The following CBARP variants were observed in gnomAD, a reference collection of about 807,000 sequenced individuals.
CBARP encodes CACN subunit beta associated regulatory protein.
In CBARP, 24 loss-of-function variants were observed where a neutral mutation model predicts 36.3. The observed-to-expected ratio is 0.66, with a 90% CI of 0.48 to 0.93. The LOEUF is 0.93. Ranked by LOEUF, CBARP falls within the 40% of genes least tolerant of loss-of-function variation. CBARP has a pLI of 0.00. For missense variants in CBARP, 1,146 were observed against 980.4 expected (o/e 1.17, Z -2.26); for synonymous variants, 586 against 453.2 (o/e 1.29, Z -3.72).
At position 1,234,677 on chromosome 19, in the gene CBARP, G is replaced by A. The variant is rs114805137; in HGVS notation, c.521C>T (p.Pro174Leu). ...KNARLTHLHL[P>L]PLKIVTIHEC... The stretch of plus-strand genomic sequence containing the variant: ...GTGGATGGTGACAATCTTGAGGGGC[G>A]GCAGGTGCAGGTGCGTGAGCCGGGC... Residue 174 changes from proline to leucine, a missense_variant, in exon 6 of 10, where the codon CCG (proline) becomes CTG (leucine). Coordinates refer to ENST00000650044, the MANE Select transcript of CBARP (RefSeq NM_001393918.1). 83 of 1,612,802 alleles carry A rather than the reference G, an allele frequency of 5.1e-5. No homozygotes were observed. The East Asian group carries it at 1.0e-3, about 20-fold the overall frequency.
In CBARP at chr19:1,229,880, A is replaced by C; in HGVS notation, c.1417T>G (p.Ser473Ala). 9.8e-7 allele frequency: 1 copy of C among 1,016,196 alleles called. No homozygotes were observed. Among genetic ancestry groups the C allele is most frequent in the Non-Finnish European group, 1.2e-6 (1 of 845,544 alleles). 62.9% of individuals were successfully genotyped at this position (1,016,196 alleles called of 1,614,324 possible). The change falls in exon 10 of 10, where the codon TCC (serine) becomes GCC (alanine). Residue 473 changes from serine (S) to alanine (A), a missense_variant. Ser to Ala is a moderately conservative substitution (Grantham distance 99, BLOSUM62 1). Transcript: ENST00000650044. This position sits in a 1 kb window ranked among gnomAD's most constrained non-coding sequence, Gnocchi z 5.1. ...VRSGDSSGSG[S>A]GGAAPAFPPP... ...GGGAAGGCGGGCGCCGCGCCCCCGG[A>C]GCCTGAGCCCGAGCTGTCGCCGCTG...
In CBARP at chr19:1,229,241, C is replaced by T; in HGVS notation, c.2056G>A (p.Val686Ile). ...GCGACCAACGCGGGAGTCGCCACGA[C>T]GGGCTCGGCGAGGCGCGGCGGAAAG... Reference protein sequence around the residue: ...RLFPPRLAEPVVATPALVAAA... With the variant: ...RLFPPRLAEPIVATPALVAAA... The change falls in exon 10 of 10, where the codon GTC becomes ATC. Residue 686 changes from valine to isoleucine, a missense_variant. Transcript: ENST00000650044. The surrounding 1 kb of genome is among the most constrained non-coding windows in gnomAD (Gnocchi z 5.1). 2 of 1,237,628 alleles carry T rather than the reference C, an allele frequency of 1.6e-6. No individual in the cohort carries two copies. Among genetic ancestry groups the T allele is most frequent in the South Asian group, 1.3e-5 (1 of 75,908 alleles). The allele number at this position is 1,237,628 out of a possible 1,614,324, so 76.7% of individuals were successfully genotyped here. A position where few individuals can be genotyped will look rare whatever the true frequency, so the allele number is the denominator to read the frequency against.
At chr19:1,237,554 CAG>C (rs1447755496) in intron 1 of CBARP, among the ~76,000 whole-genome samples, 200 bp downstream of exon 1, 1 of 151,964 alleles carries the variant, frequency 6.6e-6, no homozygotes, top group Non-Finnish European at 1.5e-5. Flanking sequence ...CCCGACCTCA[CAG>C]GGAGAAACTG....
chr19:1,228,530 G>A lies in CBARP; in HGVS notation c.*649C>T, dbSNP rs558688604. On this transcript the variant is annotated 3_prime_UTR_variant, in exon 10 of 10. Coordinates refer to ENST00000650044, the MANE Select transcript of CBARP (RefSeq NM_001393918.1). ...AGGGCAGTGGGGACTCGGGGCGCGGGAGGGCCGGGGCCGGCTCCCTCAGGG... is the reference window on the plus strand; with the variant it reads ...AGGGCAGTGGGGACTCGGGGCGCGGAAGGGCCGGGGCCGGCTCCCTCAGGG... The A allele has an allele frequency of 7.8e-4, 142 of 182,228 alleles. No homozygotes were observed. Among genetic ancestry groups the A allele is most frequent in the African/African-American group, 3.3e-3 (140 of 42,526 alleles). The allele number at this position is 182,228 out of a possible 1,614,324, so 11.3% of individuals were successfully genotyped here.
chr19:1,235,355 G>A, intron 4 of CBARP, 146 bp downstream of exon 4: 1 of 1,109,062 alleles, frequency 9.0e-7, no homozygotes, highest in African/African-American at 1.6e-5. Context: ...GGGCGTTAAG[G>A]AAACAGAGAT....
upstream of CBARP, chr19:1,238,345 T>G (rs899020778): frequency 6.6e-6 from 1 of 152,486 alleles, no homozygotes; most frequent in Non-Finnish European, 1.5e-5. Context: ...ACAATTCCCC[T>G]TTAAGCTGCA....
At chr19:1,230,907 C>G in intron 9 of CBARP, 194 bp downstream of exon 9, 1 of 1,570,422 alleles carries the variant, frequency 6.4e-7, no homozygotes, top group East Asian at 2.3e-5. Flanking sequence ...CCAGTCTCTC[C>G]CTGCTTCCCT....
chr19:1,236,084 G>A lies in CBARP; in HGVS notation c.17C>T (p.Thr6Ile). Residue 6 changes from threonine to isoleucine, a missense_variant, in exon 2 of 10, where the codon ACC becomes ATC. Coordinates refer to ENST00000650044, the MANE Select transcript of CBARP (RefSeq NM_001393918.1). MQPTA[T>I]MATAATTTTT... ...GGTGGTGGTGGCGGCTGTGGCCATG[G>A]TGGCTGTGGGCTGCATTCTGAACTG... 2 of 1,489,340 alleles carry A rather than the reference G, an allele frequency of 1.3e-6. No homozygotes were observed. The highest frequency in any genetic ancestry group is 1.8e-6 in the Non-Finnish European group (2 of 1,123,736). The allele number at this position is 1,489,340 out of a possible 1,614,324, so 92.3% of individuals were successfully genotyped here.
Position 1,228,567 on chromosome 19 carries a change from AGCGGTGGCGGC to A in CBARP, c.*601_*611del, listed in dbSNP as rs893312032. The A allele has an allele frequency of 2.9e-5, 5 of 170,574 alleles. No homozygotes were observed. The highest frequency in any genetic ancestry group is 1.3e-5 in the Non-Finnish European group (1 of 79,304). The allele number at this position is 170,574 out of a possible 1,614,324, so 10.6% of individuals were successfully genotyped here. A position where few individuals can be genotyped will look rare whatever the true frequency, so the allele number is the denominator to read the frequency against. ...CGGCTCCCTCAGGGCCGGCGGCAGC[AGCGGTGGCGGC>A]GCGGTTATTGCTCGGAGGCGGCGCG... On this transcript the variant is annotated 3_prime_UTR_variant, in exon 10 of 10. Transcript: ENST00000650044.
chr19:1,230,334 G>A, intron 9 of CBARP, 192 bp from the exon 10 acceptor site: 1 of 986,478 alleles, frequency 1.0e-6, no homozygotes, highest in Non-Finnish European at 1.2e-6. Flanking sequence ...CCTGAGCTGT[G>A]GCGCCTGCTT....
chr19:1,231,577 C>G (rs536064637), intron 8 of CBARP, among the ~76,000 whole-genome samples: 1 of 88,680 alleles, frequency 1.1e-5, no homozygotes, highest in African/African-American at 4.5e-5. Context: ...CCCCACAGAA[C>G]GCCTGTGCAC....
rs1378787239 is a variant in CBARP at position 1,234,679 on chromosome 19, C to T, written c.519G>A (p.Leu173=). ...GGATGGTGACAATCTTGAGGGGCGG[C>T]AGGTGCAGGTGCGTGAGCCGGGCAT... The part of the protein sequence containing the change: ...LKNARLTHLH[L]PPLKIVTIHE... Residue 173 remains leucine (L), a synonymous_variant, in exon 6 of 10, where the codon CTG becomes CTA. Transcript: ENST00000650044. The T allele has an allele frequency of 6.2e-7, 1 of 1,612,742 alleles. No homozygotes were observed. Among genetic ancestry groups the T allele is most frequent in the East Asian group, 2.2e-5 (1 of 44,852 alleles).
In CBARP at chr19:1,231,108, G is replaced by C. The variant is rs1278516950; in HGVS notation, c.1147C>G (p.Leu383Val). 1 of 1,597,858 alleles carries C rather than the reference G, an allele frequency of 6.3e-7. No individual in the cohort carries two copies. The highest frequency in any genetic ancestry group is 1.1e-5 in the South Asian group (1 of 89,926). ...RPFLASPPPALGRLEAAEAAG... is the reference protein window; with the variant it reads ...RPFLASPPPAVGRLEAAEAAG... The stretch of plus-strand genomic sequence containing the variant: ...CCATCTACTGAAAAATACCTGCCGA[G>C]AGCAGGGGGCGGGCTGGCCAGAAAG... The change falls in exon 9 of 10, where the codon CTC becomes GTC. Residue 383 changes from leucine to valine, a missense_variant. Coordinates refer to ENST00000650044, the MANE Select transcript of CBARP (RefSeq NM_001393918.1).
At position 1,229,854 on chromosome 19, in the gene CBARP, C is replaced by A; in HGVS notation, c.1443G>T (p.Pro481=). 4 of 986,550 alleles carry A rather than the reference C, an allele frequency of 4.1e-6. No individual in the cohort carries two copies. The South Asian group carries it at 1.7e-4, about 42-fold the overall frequency. The allele number at this position is 986,550 out of a possible 1,614,324, so 61.1% of individuals were successfully genotyped here. A position where few individuals can be genotyped will look rare whatever the true frequency, so the allele number is the denominator to read the frequency against. ...SGSGGAAPAF[P]PPSPPAPRPK... ...GCCGCGGCGCGGGCGGGGAGGGCGGCGGGAAGGCGGGCGCCGCGCCCCCGG... is the reference window on the plus strand; with the variant it reads ...GCCGCGGCGCGGGCGGGGAGGGCGGAGGGAAGGCGGGCGCCGCGCCCCCGG... Residue 481 remains proline, a synonymous_variant, in exon 10 of 10, where the codon CCG becomes CCT. Coordinates refer to ENST00000650044, the MANE Select transcript of CBARP (RefSeq NM_001393918.1). The surrounding 1 kb of genome is among the most constrained non-coding windows in gnomAD (Gnocchi z 5.1).
At position 1,235,015 on chromosome 19, in the gene CBARP, C is replaced by A. The variant is rs1449662119; in HGVS notation, c.441G>T (p.Gln147His). The A allele has an allele frequency of 6.2e-7, 1 of 1,608,744 alleles. No homozygotes were observed. The highest frequency in any genetic ancestry group is 1.7e-5 in the Admixed American group (1 of 59,860). The change falls in exon 5 of 10, where the codon CAG becomes CAT. Residue 147 changes from glutamine to histidine, a missense_variant. Coordinates refer to ENST00000650044, the MANE Select transcript of CBARP (RefSeq NM_001393918.1). ...GCCCCGCTTACCGGCGACCCTTGTC[C>A]TGCGTCTTGCGGCTCTGCTCAAACA... ...AALFEQSRKTQDKGRRYTLTE... is the reference protein window; with the variant it reads ...AALFEQSRKTHDKGRRYTLTE...
At position 1,233,006 on chromosome 19, in the gene CBARP, C is replaced by CG. The variant is rs1177619209; in HGVS notation, c.979+419dup. ...CTGCCAGCGGGCGAGGGAGGGGCCC[C>CG]GGGGGAACCCGCCTTCCACTCACAT... On this transcript the variant is annotated intron_variant, in intron 8 of 9. Transcript: ENST00000650044. Among the ~76,000 whole-genome samples the CG allele has an allele frequency of 2.0e-5, 3 of 152,356 alleles. No individual in the cohort carries two copies. In the East Asian group the frequency reaches 5.8e-4, roughly 29 times the overall value.
rs1165586713 is a variant in CBARP, at chr19:1,237,182, C to T, written c.-22+574G>A. Reference sequence around the variant, plus strand: ...CCCTTCCCGGACTTCCGCCCACACGCGACAGCGGGAAACTGAGGCCCAAAG... The same window carrying T: ...CCCTTCCCGGACTTCCGCCCACACGTGACAGCGGGAAACTGAGGCCCAAAG... On this transcript the variant is annotated intron_variant, in intron 1 of 9. Transcript: ENST00000650044. 3.9e-5 allele frequency among the ~76,000 whole-genome samples: 6 copies of T among 152,360 alleles called. No homozygotes were observed. In the East Asian group the frequency reaches 1.2e-3, roughly 29 times the overall value.
At position 1,229,494 on chromosome 19, in the gene CBARP, G is replaced by C. The variant is rs2080861711; in HGVS notation, c.1803C>G (p.Thr601=). The C allele has an allele frequency of 1.0e-6, 1 of 979,202 alleles. No individual in the cohort carries two copies. The allele number at this position is 979,202 out of a possible 1,614,324, so 60.7% of individuals were successfully genotyped here. ...GGGCCGCGCCGGCAGGCGGTGCCGGGGTTCCGGCCAGGGCCGGGGCCGCGC... is the reference window on the plus strand; with the variant it reads ...GGGCCGCGCCGGCAGGCGGTGCCGGCGTTCCGGCCAGGGCCGGGGCCGCGC... ...GARAAPALAG[T]PAPPAGAARP... is the part of the protein sequence containing the mutation. The change falls in exon 10 of 10, where the codon ACC becomes ACG. Residue 601 remains threonine (T), a synonymous_variant. Transcript: ENST00000650044. This position sits in a 1 kb window ranked among gnomAD's most constrained non-coding sequence, Gnocchi z 5.1.
At chr19:1,235,440 G>A (rs558620490) in intron 4 of CBARP, 61 bp downstream of exon 4, 10 of 1,485,422 alleles carry the variant, frequency 6.7e-6, no homozygotes, top group African/African-American at 2.8e-5. Flanking sequence ...CCGAGGGGGC[G>A]GCGGGTGGCC....
Sources: allele counts gnomAD v4.1 joint callset (sites outside exome capture counted in the v4.1 genomes callset), GRCh38; gene constraint gnomAD v4.1.1; non-coding constraint Gnocchi (gnomAD v3.1); transcripts MANE v1.5; gene names NCBI Gene and HGNC (gene_info 2026-07-23, HGNC 2026-07-21).